Variants in TNFSF4 observed in about 807,000 individuals in gnomAD.
The protein encoded by TNFSF4 is TNF superfamily member 4, also known as tumor necrosis factor ligand superfamily member 4.
In TNFSF4, 4 loss-of-function variants were observed where a neutral mutation model predicts 7.3. The observed-to-expected ratio is 0.55, with a 90% CI of 0.27 to 1.25. The LOEUF is 1.25. Ranked by LOEUF, TNFSF4 falls within the 50% of genes most tolerant of loss-of-function variation. The pLI is 0.12. For synonymous variants in TNFSF4, 76 were observed against 83.7 expected (o/e 0.91, Z 0.50); for missense variants, 181 against 208.8 (o/e 0.87, Z 0.82).
the TNFSF4 span, among the ~76,000 whole-genome samples, chr1:173,296,966 C>T: frequency 6.6e-6 from 1 of 151,920 alleles, no homozygotes; most frequent in East Asian, 1.9e-4. Context: ...TTACTACTTC[C>T]CTTCCTTCTC....
chr1:173,178,785 C>T (rs891179367), downstream of TNFSF4, among the ~76,000 whole-genome samples: 2 of 152,200 alleles, frequency 1.3e-5, no homozygotes, highest in African/African-American at 2.4e-5. Flanking sequence ...CCTGGCAAAA[C>T]AGACTTTGCA....
the TNFSF4 span, among the ~76,000 whole-genome samples, chr1:173,439,144 T>A: frequency 6.6e-6 from 1 of 152,218 alleles, no homozygotes; most frequent in Non-Finnish European, 1.5e-5. Flanking sequence ...TTGAGTTCAC[T>A]GTATCCCAGC....
At chr1:173,306,151 G>C in the TNFSF4 span, among the ~76,000 whole-genome samples, 82 of 151,846 alleles carry the variant, frequency 5.4e-4, 1 homozygote, top group East Asian at 0.016. Context: ...CCCTTTCTTA[G>C]TGGTATATAA....
chr1:173,185,807 A>G lies in TNFSF4; in HGVS notation c.*709T>C, dbSNP rs1402496813. 6.6e-6 allele frequency: 1 copy of G among 152,244 alleles called. No homozygotes were observed. The highest frequency in any genetic ancestry group is 2.4e-5 in the African/African-American group (1 of 41,450). 9.4% of individuals were successfully genotyped at this position (152,244 alleles called of 1,614,324 possible). A position where few individuals can be genotyped will look rare whatever the true frequency, so the allele number is the denominator to read the frequency against. On this transcript the variant is annotated 3_prime_UTR_variant, in exon 3 of 3. Transcript: ENST00000281834. ...AGTCACTGATTAGATTTTTCAAAGC[A>G]TCACATCCCCAGACAGTTCTTTGAA...
the TNFSF4 span, among the ~76,000 whole-genome samples, chr1:173,216,620 C>T: frequency 0.015 from 2,264 of 152,252 alleles, 43 homozygotes; most frequent in Non-Finnish European, 0.02. Flanking sequence ...GATTTTCTCT[C>T]TCTCTCTTTT....
At chr1:173,292,334 C>A in the TNFSF4 span, among the ~76,000 whole-genome samples, 8 of 152,222 alleles carry the variant, frequency 5.3e-5, no homozygotes, top group South Asian at 1.7e-3. Flanking sequence ...TCAACATATG[C>A]AAATCAATAA....
At chr1:173,199,488 G>T (rs1038750337) in intron 1 of TNFSF4, among the ~76,000 whole-genome samples, 1 of 152,152 alleles carries the variant, frequency 6.6e-6, no homozygotes, top group African/African-American at 2.4e-5. Flanking sequence ...TGTGAATATA[G>T]AGGCAGAGCT....
At chr1:173,402,099 G>C in the TNFSF4 span, among the ~76,000 whole-genome samples, 1 of 151,962 alleles carries the variant, frequency 6.6e-6, no homozygotes, top group Non-Finnish European at 1.5e-5. Flanking sequence ...CTTTTTTTAT[G>C]CTCAGAAACT....
chr1:173,382,452 T>C, the TNFSF4 span, among the ~76,000 whole-genome samples: 2 of 152,186 alleles, frequency 1.3e-5, no homozygotes, highest in African/African-American at 4.8e-5. Context: ...TCCGGACACA[T>C]TAGGAGAAAT....
At chr1:173,284,090 T>G in the TNFSF4 span, among the ~76,000 whole-genome samples, 1 of 152,172 alleles carries the variant, frequency 6.6e-6, no homozygotes, top group East Asian at 1.9e-4. Flanking sequence ...CAATGCCTAA[T>G]CTGGAGCAAG....
the TNFSF4 span, among the ~76,000 whole-genome samples, chr1:173,400,431 C>T: frequency 2.0e-5 from 3 of 152,324 alleles, no homozygotes; most frequent in South Asian, 4.1e-4. Context: ...ACTCCAGTTA[C>T]ACCAGTAAAA....
At chr1:173,176,012 G>A in the TNFSF4 span, among the ~76,000 whole-genome samples, 1 of 152,116 alleles carries the variant, frequency 6.6e-6, no homozygotes, top group Non-Finnish European at 1.5e-5. Context: ...TCTTGTGTTT[G>A]TAAGTACATG....
the TNFSF4 span, among the ~76,000 whole-genome samples, chr1:173,426,785 G>T: frequency 6.6e-6 from 1 of 152,044 alleles, no homozygotes; most frequent in African/African-American, 2.4e-5. Flanking sequence ...GTAGAGACAA[G>T]GTCTCGCTAT....
At chr1:173,407,129 A>G in the TNFSF4 span, among the ~76,000 whole-genome samples, 1 of 151,856 alleles carries the variant, frequency 6.6e-6, no homozygotes, top group Non-Finnish European at 1.5e-5. Context: ...CTGGGGAGGC[A>G]GGTGGTGCGG....
the TNFSF4 span, among the ~76,000 whole-genome samples, chr1:173,393,573 G>C: frequency 6.6e-6 from 1 of 152,196 alleles, no homozygotes; most frequent in African/African-American, 2.4e-5. Context: ...CTGGCACCTT[G>C]AGATTCTGCT....
chr1:173,208,729 A>G (rs2102005583), upstream of TNFSF4, among the ~76,000 whole-genome samples: 1 of 152,296 alleles, frequency 6.6e-6, no homozygotes, highest in South Asian at 2.1e-4. Flanking sequence ...TGTGGAGAAA[A>G]AAGCTGAAGG....
the TNFSF4 span, among the ~76,000 whole-genome samples, chr1:173,434,395 C>G: frequency 6.6e-6 from 1 of 152,116 alleles, no homozygotes; most frequent in Admixed American, 6.6e-5. Flanking sequence ...CTTAGGAGAC[C>G]TGGCAGAAAA....
chr1:173,378,489 T>C, the TNFSF4 span, among the ~76,000 whole-genome samples: 3,585 of 152,254 alleles, frequency 0.024, 60 homozygotes, highest in Middle Eastern at 0.099. Flanking sequence ...TTCTAAGCCA[T>C]TGGGACCAAT....
the TNFSF4 span, among the ~76,000 whole-genome samples, chr1:173,360,542 C>T: frequency 1.3e-5 from 2 of 152,268 alleles, no homozygotes; most frequent in South Asian, 4.1e-4. Context: ...AGACTAGCTG[C>T]GAAGATCCAA....
Sources: gnomAD v4.1 joint callset for allele counts (sites outside exome capture counted in the v4.1 genomes callset) on GRCh38, gnomAD v4.1.1 for gene constraint, MANE v1.5 for transcripts, NCBI Gene and HGNC (gene_info 2026-07-23, HGNC 2026-07-21) for gene names.